The following SPIDR variants were observed in gnomAD, a reference collection of about 807,000 sequenced individuals.
SPIDR encodes the protein DNA repair-scaffolding protein.
SPIDR carries 93 observed loss-of-function variants against 104.6 expected under a neutral mutation model. The observed-to-expected ratio is 0.89, with a 90% CI of 0.75 to 1.06. The LOEUF (loss-of-function observed/expected upper bound fraction) is 1.06, where lower values mean the gene tolerates loss of function less well. Among genes scored for constraint, SPIDR ranks in the 50% least tolerant of loss-of-function variants. SPIDR has a pLI of 0.00. For synonymous variants in SPIDR, 431 were observed against 416.9 expected (o/e 1.03, Z -0.41); for missense variants, 1,154 against 1,111.2 (o/e 1.04, Z -0.55).
At chr8:47,671,585 A>AAAT (rs2075801018) in intron 10 of SPIDR, among the ~76,000 whole-genome samples, 2 of 142,712 alleles carry the variant, frequency 1.4e-5, no homozygotes, top group African/African-American at 5.3e-5. Context: ...ACTCCATCTC[A>AAAT]AAATAAATAA....
intron 8 of SPIDR, among the ~76,000 whole-genome samples, chr8:47,485,690 G>A (rs1435338197): frequency 6.6e-6 from 1 of 152,172 alleles, no homozygotes; most frequent in Non-Finnish European, 1.5e-5. Flanking sequence ...AGCATTTGCC[G>A]TTCTGCAATA....
Position 47,322,729 on chromosome 8 carries a change from A to G in SPIDR, c.525+28699A>G, listed in dbSNP as rs2046926146. On this transcript the variant is annotated intron_variant, in intron 5 of 19. Transcript: ENST00000297423. ...ATAGACTGGATTAAGAAAATGTGGC[A>G]CATATACACCATGGAATACTATGCA... 2.0e-5 allele frequency among the ~76,000 whole-genome samples: 3 copies of G among 152,224 alleles called. No homozygotes were observed. The South Asian group carries it at 6.2e-4, about 31-fold the overall frequency.
At chr8:47,465,911 T>A (rs2074696604) in intron 8 of SPIDR, among the ~76,000 whole-genome samples, 1 of 151,596 alleles carries the variant, frequency 6.6e-6, no homozygotes, top group Non-Finnish European at 1.5e-5. Context: ...CCGACGAAGA[T>A]CAAAAAAGAC....
Position 47,608,876 on chromosome 8 carries a change from C to T in SPIDR, c.1544+9680C>T, listed in dbSNP as rs756110894. ...GTAGCTGGGACTACACGTGCGTGTG[C>T]GCTACCACGCCCAGCTAATTTTTTG... On this transcript the variant is annotated intron_variant, in intron 10 of 19. Coordinates refer to ENST00000297423, the MANE Select transcript of SPIDR (RefSeq NM_001080394.4). 6.6e-5 allele frequency among the ~76,000 whole-genome samples: 10 copies of T among 152,228 alleles called. No homozygotes were observed. The South Asian group carries it at 1.9e-3, about 28-fold the overall frequency.
intron 12 of SPIDR, 46 bp downstream of exon 12, chr8:47,700,536 T>C: frequency 6.3e-7 from 1 of 1,594,220 alleles, no homozygotes; most frequent in South Asian, 1.1e-5. Flanking sequence ...GACTACTCCA[T>C]GCCAGGTGCC....
chr8:47,498,474 A>G (rs1331376693), intron 8 of SPIDR, among the ~76,000 whole-genome samples: 1 of 152,194 alleles, frequency 6.6e-6, no homozygotes, highest in Non-Finnish European at 1.5e-5. Flanking sequence ...AAGCAGTAAT[A>G]CAAAACAATG....
intron 10 of SPIDR, among the ~76,000 whole-genome samples, chr8:47,604,930 G>T (rs1190211314): frequency 6.6e-6 from 1 of 152,194 alleles, no homozygotes; most frequent in African/African-American, 2.4e-5. Context: ...ATGTATCTTT[G>T]TATGTACATT....
In SPIDR at chr8:47,713,081, G is replaced by A. The variant is rs1346690664; in HGVS notation, c.2188+209G>A. ...AGAACCAGCTCCATGGAGATGCTGT[G>A]CTCACTCCAGAATTGCCTGCTGGTG... On this transcript the variant is annotated intron_variant, in intron 15 of 19. Transcript: ENST00000297423. 3.8e-6 allele frequency: 5 copies of A among 1,299,868 alleles called. No individual in the cohort carries two copies. In the African/African-American group the frequency reaches 4.4e-5, roughly 12 times the overall value. 80.5% of individuals were successfully genotyped at this position (1,299,868 alleles called of 1,614,324 possible). A position where few individuals can be genotyped will look rare whatever the true frequency, so the allele number is the denominator to read the frequency against.
chr8:47,434,643 C>G (rs553225897), intron 7 of SPIDR, among the ~76,000 whole-genome samples: 2 of 152,230 alleles, frequency 1.3e-5, no homozygotes, highest in Middle Eastern at 3.4e-3. Context: ...AGAATAATTT[C>G]AGTATCTCTC....
intron 8 of SPIDR, among the ~76,000 whole-genome samples, chr8:47,506,664 C>T (rs940722038): frequency 6.6e-6 from 1 of 151,942 alleles, no homozygotes; most frequent in South Asian, 2.1e-4. Context: ...GGTTACTACC[C>T]ATTTTGTGGT....
chr8:47,575,471 G>A (rs954807826), intron 8 of SPIDR, among the ~76,000 whole-genome samples: 3 of 150,868 alleles, frequency 2.0e-5, no homozygotes, highest in East Asian at 2.0e-4. Context: ...GTGAAACCCC[G>A]TCTCTACTAA....
chr8:47,606,555 A>C (rs983596836), intron 10 of SPIDR, among the ~76,000 whole-genome samples: 3 of 151,972 alleles, frequency 2.0e-5, no homozygotes. Context: ...CAAACAAAAA[A>C]CAAGGATCCC....
intron 8 of SPIDR, chr8:47,511,690 C>T: frequency 1.1e-6 from 1 of 934,984 alleles, no homozygotes; most frequent in Admixed American, 1.7e-5. Context: ...ATAGCCATCT[C>T]CGGCAAATGG....
intron 5 of SPIDR, among the ~76,000 whole-genome samples, chr8:47,365,976 GCACACACACA>G (rs59590542): frequency 2.0e-5 from 3 of 148,702 alleles, no homozygotes; most frequent in Admixed American, 6.7e-5. Flanking sequence ...ACATGCACAA[GCACACACACA>G]CACACACACA....
At chr8:47,309,597 A>G (rs990409369) in intron 5 of SPIDR, among the ~76,000 whole-genome samples, 4 of 152,174 alleles carry the variant, frequency 2.6e-5, no homozygotes, top group Non-Finnish European at 4.4e-5. Context: ...TTCCCCTTTC[A>G]GTATCACTGG....
chr8:47,579,568 G>A (rs1211425292), intron 8 of SPIDR, among the ~76,000 whole-genome samples: 1 of 152,036 alleles, frequency 6.6e-6, no homozygotes, highest in Non-Finnish European at 1.5e-5. Flanking sequence ...CTACCTTACT[G>A]GCCAACACAA....
At chr8:47,652,550 G>C (rs893821560) in intron 10 of SPIDR, among the ~76,000 whole-genome samples, 2 of 152,210 alleles carry the variant, frequency 1.3e-5, no homozygotes, top group African/African-American at 2.4e-5. Flanking sequence ...ATTGTCTGCT[G>C]TCTTAAGTAC....
intron 16 of SPIDR, among the ~76,000 whole-genome samples, chr8:47,724,586 T>C (rs1589554137): frequency 6.6e-6 from 1 of 152,362 alleles, no homozygotes; most frequent in Non-Finnish European, 1.5e-5. Flanking sequence ...TGCAGAGAGT[T>C]GGTGCTAGGG....
At chr8:47,361,951 G>T (rs1554630384) in intron 5 of SPIDR, among the ~76,000 whole-genome samples, 1 of 152,218 alleles carries the variant, frequency 6.6e-6, no homozygotes. Flanking sequence ...TAATTGTCCA[G>T]ACCAGAGGCT....
Sources: gnomAD v4.1 joint callset for allele counts (sites outside exome capture counted in the v4.1 genomes callset) on GRCh38, gnomAD v4.1.1 for gene constraint, MANE v1.5 for transcripts, NCBI Gene and HGNC (gene_info 2026-07-23, HGNC 2026-07-21) for gene names.